The following TLL1 variants were observed in gnomAD, a reference collection of about 807,000 sequenced individuals.
TLL1 encodes tolloid-like protein 1.
TLL1 carries 49 observed loss-of-function variants against 128.2 expected under a neutral mutation model. That is an observed-to-expected ratio of 0.38 (90% CI 0.30 to 0.48). TLL1 has a LOEUF of 0.48. Ranked by LOEUF, TLL1 falls within the 20% of genes least tolerant of loss-of-function variation. The pLI, the probability that TLL1 is intolerant of heterozygous loss-of-function variation, is 0.96. For missense variants in TLL1, 1,123 were observed against 1,242.0 expected (o/e 0.90, Z 1.44); for synonymous variants, 454 against 418.8 (o/e 1.08, Z -1.03).
Position 165,922,931 on chromosome 4 carries a change from C to T in TLL1, c.169+48858C>T, listed in dbSNP as rs551682568. Among the ~76,000 whole-genome samples the T allele has an allele frequency of 3.9e-5, 6 of 152,276 alleles. No individual in the cohort carries two copies. In the South Asian group the frequency reaches 1.2e-3, roughly 32 times the overall value. Reference sequence around the variant, plus strand: ...TGAGATTTCTTTGTTTACCTGGTTTCTGCATTTGAGTGGTTATTGAGCTGC... The same window carrying T: ...TGAGATTTCTTTGTTTACCTGGTTTTTGCATTTGAGTGGTTATTGAGCTGC... On this transcript the variant is annotated intron_variant, in intron 1 of 20. Coordinates refer to ENST00000061240, the MANE Select transcript of TLL1 (RefSeq NM_012464.5).
intron 1 of TLL1, among the ~76,000 whole-genome samples, chr4:165,931,129 A>T (rs572505463): frequency 1.2e-4 from 18 of 152,334 alleles, no homozygotes; most frequent in Admixed American, 9.8e-4. Context: ...CAACTTATAA[A>T]ATATCATTTG....
intron 1 of TLL1, among the ~76,000 whole-genome samples, chr4:165,881,862 A>G (rs541626375): frequency 6.6e-6 from 1 of 152,188 alleles, no homozygotes; most frequent in African/African-American, 2.4e-5. Context: ...GAATTTAGTC[A>G]TGAGTGCCCT....
chr4:165,911,323 A>G (rs1185489757), intron 1 of TLL1, among the ~76,000 whole-genome samples: 2 of 152,142 alleles, frequency 1.3e-5, no homozygotes, highest in Non-Finnish European at 2.9e-5. Context: ...TATTACACTT[A>G]ACATAATGAT....
intron 8 of TLL1, among the ~76,000 whole-genome samples, chr4:166,022,685 G>A (rs761141707): frequency 2.6e-5 from 4 of 152,130 alleles, no homozygotes; most frequent in Non-Finnish European, 5.9e-5. Context: ...AAGTAACTAT[G>A]TAATTAAAAG....
chr4:166,039,695 A>G (rs1739157076), intron 10 of TLL1, among the ~76,000 whole-genome samples: 2 of 152,158 alleles, frequency 1.3e-5, no homozygotes, highest in Admixed American at 1.3e-4. Context: ...GATTGAGAAT[A>G]GCTTTCTCAT....
Position 166,014,436 on chromosome 4 carries a change from G to A in TLL1, c.918G>A (p.Arg306=), listed in dbSNP as rs1259362470. ...IMHYARNTFS[R]GMFLDTILPS... ...GTGGTTTGCTTCTGCTTTTTTTCAG[G>A]GGGATGTTTCTGGATACCATTCTCC... is the stretch of plus-strand genomic sequence containing the variant. Residue 306 remains arginine (R), a splice_region_variant and synonymous_variant, in exon 8 of 21, where the codon AGG becomes AGA. Coordinates refer to ENST00000061240, the MANE Select transcript of TLL1 (RefSeq NM_012464.5). The A allele has an allele frequency of 6.2e-7, 1 of 1,611,902 alleles. No individual in the cohort carries two copies. The highest frequency in any genetic ancestry group is 8.5e-7 in the Non-Finnish European group (1 of 1,178,464).
chr4:165,955,482 C>A (rs1017702793), intron 1 of TLL1, among the ~76,000 whole-genome samples: 8 of 151,856 alleles, frequency 5.3e-5, no homozygotes, highest in Admixed American at 5.3e-4. Context: ...TTTAAAGACA[C>A]ATAGTCATCA....
intron 19 of TLL1, among the ~76,000 whole-genome samples, chr4:166,096,925 A>G: frequency 6.6e-6 from 1 of 152,080 alleles, no homozygotes. Flanking sequence ...CTGGTTTTTC[A>G]TTTCATACCT....
chr4:165,975,305 C>A lies in TLL1; in HGVS notation c.170-14076C>A, dbSNP rs914183923. On this transcript the variant is annotated intron_variant, in intron 1 of 20. Coordinates refer to ENST00000061240, the MANE Select transcript of TLL1 (RefSeq NM_012464.5). ...CCTCTAAAAAACACCATGGAAAAAA[C>A]TCTAGTAGTAGTACCCCTTCCCCCT... is the stretch of plus-strand genomic sequence containing the variant. 7.2e-5 allele frequency among the ~76,000 whole-genome samples: 11 copies of A among 152,200 alleles called. No homozygotes were observed. In the South Asian group the frequency reaches 1.0e-3, roughly 14 times the overall value.
rs375584488 is a variant in TLL1 at position 165,952,919 on chromosome 4, A to G, written c.170-36462A>G. On this transcript the variant is annotated intron_variant, in intron 1 of 20. Coordinates refer to ENST00000061240, the MANE Select transcript of TLL1 (RefSeq NM_012464.5). The stretch of plus-strand genomic sequence containing the variant: ...AGAAACAGAAAACTTGAGGTGTTAT[A>G]TAGATTTCATTGCTGACATTTTTTG... Among the ~76,000 whole-genome samples, 192 of 152,292 alleles carry G rather than the reference A, an allele frequency of 1.3e-3. 1 individual carries two copies. The highest frequency in any genetic ancestry group is 4.4e-3 in the East Asian group (23 of 5,172).
intron 12 of TLL1, among the ~76,000 whole-genome samples, chr4:166,049,923 C>T (rs9991292): frequency 0.35 from 53,803 of 151,694 alleles, 10,349 homozygotes; most frequent in African/African-American, 0.49. Context: ...TTGCTCCAAG[C>T]GTATATCATT....
rs746995698 is a variant in TLL1, at chr4:166,043,309, C to T, written c.1414C>T (p.Gln472Ter). 2 of 1,614,104 alleles carry T rather than the reference C, an allele frequency of 1.2e-6. No individual in the cohort carries two copies. Among genetic ancestry groups the T allele is most frequent in the Non-Finnish European group, 1.7e-6 (2 of 1,179,986 alleles). The change falls in exon 12 of 21, where the codon CAG becomes TAG. Residue 472 changes from glutamine (Q) to a stop codon, truncating the protein, a stop_gained. Transcript: ENST00000061240. LOFTEE classifies it high-confidence loss of function. ...AGGTGAGATACGTAAAAATGAAGGA[C>T]AGATTCAGTCTCCCAATTATCCTGA... ...CGGEIRKNEG[Q>*]IQSPNYPDDY...
chr4:165,903,037 C>T (rs28761229), intron 1 of TLL1, among the ~76,000 whole-genome samples: 4,768 of 152,192 alleles, frequency 0.031, 200 homozygotes, highest in East Asian at 0.14. Flanking sequence ...TCAAAAGATA[C>T]TTTTAAGAAA....
At chr4:165,924,588 T>C (rs1200119183) in intron 1 of TLL1, among the ~76,000 whole-genome samples, 1 of 152,126 alleles carries the variant, frequency 6.6e-6, no homozygotes, top group Non-Finnish European at 1.5e-5. Context: ...AACCTAAAAG[T>C]GCAAGGTGAA....
intron 19 of TLL1, among the ~76,000 whole-genome samples, chr4:166,097,246 T>C (rs1438873918): frequency 6.6e-6 from 1 of 152,080 alleles, no homozygotes; most frequent in Non-Finnish European, 1.5e-5. Context: ...GTTACTGAGA[T>C]AAGAAAACCA....
At chr4:165,995,596 C>T (rs769702710) in intron 5 of TLL1, among the ~76,000 whole-genome samples, 1 of 152,192 alleles carries the variant, frequency 6.6e-6, no homozygotes, top group Non-Finnish European at 1.5e-5. Context: ...CACACCTGGT[C>T]TGTTTATACA....
chr4:166,097,275 G>A (rs1191195675), intron 19 of TLL1, among the ~76,000 whole-genome samples: 1 of 152,128 alleles, frequency 6.6e-6, no homozygotes, highest in Non-Finnish European at 1.5e-5. Flanking sequence ...GGAAAGGGAA[G>A]GTGCTTGGCT....
chr4:165,884,763 G>A (rs780207434), intron 1 of TLL1, among the ~76,000 whole-genome samples: 2 of 152,200 alleles, frequency 1.3e-5, no homozygotes, highest in African/African-American at 4.8e-5. Context: ...TTGAACCTGG[G>A]AGGTGGAGGT....
chr4:165,969,517 C>T (rs1174797794), intron 1 of TLL1, among the ~76,000 whole-genome samples: 3 of 151,990 alleles, frequency 2.0e-5, no homozygotes, highest in Non-Finnish European at 2.9e-5. Context: ...TGTTTATATT[C>T]GAATGGGTTC....
Sources: allele counts gnomAD v4.1 joint callset (sites outside exome capture counted in the v4.1 genomes callset), GRCh38; gene constraint gnomAD v4.1.1; transcripts MANE v1.5; gene names NCBI Gene and HGNC (gene_info 2026-07-23, HGNC 2026-07-21).